Variants in NRG1 observed in about 807,000 individuals in gnomAD.
NRG1 encodes the protein neuregulin 1.
Under a neutral mutation model 63.8 loss-of-function variants are expected in NRG1, and 18 were observed. The ratio of observed to expected loss-of-function variants is 0.28; its 90% CI spans 0.19 to 0.42. The LOEUF (loss-of-function observed/expected upper bound fraction) is 0.42. Among genes scored for constraint, NRG1 ranks in the 10% least tolerant of loss-of-function variants. The pLI is 1.00. For missense variants in NRG1, 762 were observed against 814.7 expected, an observed-to-expected ratio of 0.94 and a Z score of 0.79; for synonymous variants, 302 against 301.3, an observed-to-expected ratio of 1.00 and a Z score of -0.02.
At chr8:32,768,404 A>C (rs1182499562), downstream of NRG1, among the ~76,000 whole-genome samples, 1 of 152,218 alleles carries the variant, frequency 6.6e-6, no homozygotes, top group Non-Finnish European at 1.5e-5. Flanking sequence ...TAGTGGCCTA[A>C]AAGGCAGCCA....
intron 1 of NRG1, among the ~76,000 whole-genome samples, chr8:32,094,580 C>T (rs1212534503): frequency 6.6e-6 from 1 of 152,162 alleles, no homozygotes; most frequent in African/African-American, 2.4e-5. Flanking sequence ...AAAAGATTTG[C>T]TTATTTCCCA....
intron 1 of NRG1, among the ~76,000 whole-genome samples, chr8:32,006,404 C>T (rs1182077185): frequency 6.6e-6 from 1 of 152,030 alleles, no homozygotes; most frequent in African/African-American, 2.4e-5. Flanking sequence ...TATCCAGAAT[C>T]TGTGAATGTG....
At chr8:31,813,520 T>TCTTTTCTTTTCTTTTCTTTTCTTTTC (rs1554540779) in intron 1 of NRG1, among the ~76,000 whole-genome samples, 4,979 of 115,492 alleles carry the variant, frequency 0.043, 117 homozygotes, top group Non-Finnish European at 0.067. Flanking sequence ...TCTTTTCTTT[T>TCTTTTCTTTTCTTTTCTTTTCTTTTC]TTTTTTTTTT....
At chr8:32,039,241 T>G (rs1391434205) in intron 1 of NRG1, among the ~76,000 whole-genome samples, 1 of 152,228 alleles carries the variant, frequency 6.6e-6, no homozygotes, top group Non-Finnish European at 1.5e-5. Flanking sequence ...ATAGGATATT[T>G]GTTGACATAT....
intron 1 of NRG1, among the ~76,000 whole-genome samples, chr8:32,242,610 G>A (rs1321511947): frequency 6.6e-6 from 1 of 152,130 alleles, no homozygotes; most frequent in East Asian, 1.9e-4. Context: ...CATCTTATTT[G>A]TTGATCATAT....
chr8:32,202,800 C>G (rs1258068520), intron 1 of NRG1, among the ~76,000 whole-genome samples: 1 of 151,172 alleles, frequency 6.6e-6, no homozygotes, highest in African/African-American at 2.4e-5. Flanking sequence ...CACTGCTCTG[C>G]TGCTCTGCCA....
At chr8:32,071,097 G>A (rs958231939) in intron 1 of NRG1, among the ~76,000 whole-genome samples, 1 of 151,980 alleles carries the variant, frequency 6.6e-6, no homozygotes, top group Non-Finnish European at 1.5e-5. Flanking sequence ...ACCTCAACCA[G>A]CCCATCATTC....
At chr8:31,954,715 G>A (rs1804077707) in intron 1 of NRG1, among the ~76,000 whole-genome samples, 1 of 152,152 alleles carries the variant, frequency 6.6e-6, no homozygotes, top group African/African-American at 2.4e-5. Flanking sequence ...TTGTGAAAAT[G>A]GAATGAGTAC....
intron 1 of NRG1, among the ~76,000 whole-genome samples, chr8:32,084,855 C>A (rs1032153279): frequency 6.6e-6 from 1 of 152,110 alleles, no homozygotes; most frequent in Non-Finnish European, 1.5e-5. Flanking sequence ...ACAGGCTAAT[C>A]TTGGCTTTTG....
chr8:31,639,589 A>T (rs1005097704), intron 1 of NRG1, among the ~76,000 whole-genome samples: 6 of 152,082 alleles, frequency 3.9e-5, no homozygotes, highest in African/African-American at 1.4e-4. Flanking sequence ...CACACAAAGG[A>T]CTGTCACCCG....
intron 1 of NRG1, among the ~76,000 whole-genome samples, chr8:31,706,268 T>G (rs1811143298): frequency 6.6e-6 from 1 of 152,174 alleles, no homozygotes; most frequent in Non-Finnish European, 1.5e-5. Flanking sequence ...AAACATAGAT[T>G]CTTATTCTCC....
chr8:32,417,863 G>T (rs1196035032), intron 1 of NRG1, among the ~76,000 whole-genome samples: 2 of 151,988 alleles, frequency 1.3e-5, no homozygotes, highest in East Asian at 1.9e-4. Flanking sequence ...ATAGTGTTTT[G>T]TCTTTCTTTT....
At chr8:32,062,786 A>G (rs549583407) in intron 1 of NRG1, among the ~76,000 whole-genome samples, 1 of 152,036 alleles carries the variant, frequency 6.6e-6, no homozygotes, top group Non-Finnish European at 1.5e-5. Context: ...GATATAATTC[A>G]TATTTGTTTT....
chr8:31,916,045 G>A (rs921660262), intron 1 of NRG1, among the ~76,000 whole-genome samples: 2 of 152,008 alleles, frequency 1.3e-5, no homozygotes, highest in Non-Finnish European at 2.9e-5. Context: ...ACAGGAAGAC[G>A]TTAATTGATG....
intron 1 of NRG1, among the ~76,000 whole-genome samples, chr8:31,992,503 A>T (rs945249579): frequency 3.3e-5 from 5 of 151,986 alleles, no homozygotes; most frequent in Non-Finnish European, 5.9e-5. Flanking sequence ...CAGGCAGGGA[A>T]TACTGTGGGA....
At chr8:32,556,946 G>A (rs879604630) in intron 1 of NRG1, among the ~76,000 whole-genome samples, 5 of 152,180 alleles carry the variant, frequency 3.3e-5, no homozygotes, top group Middle Eastern at 3.2e-3. Flanking sequence ...GTGTTATTAC[G>A]TATAGTAAGT....
chr8:32,543,271 A>G (rs542153920), upstream of NRG1, among the ~76,000 whole-genome samples: 241 of 152,294 alleles, frequency 1.6e-3, no homozygotes, highest in Non-Finnish European at 2.9e-3. Context: ...ACACAAATAA[A>G]CAGATGTATA....
chr8:32,731,554 A>C (rs569576221), intron 6 of NRG1, among the ~76,000 whole-genome samples: 1 of 152,230 alleles, frequency 6.6e-6, no homozygotes, highest in Non-Finnish European at 1.5e-5. Flanking sequence ...AAAGCAAGCC[A>C]GAACCTTGAG....
chr8:32,651,465 T>G (rs993369365), intron 5 of NRG1, among the ~76,000 whole-genome samples: 1 of 152,182 alleles, frequency 6.6e-6, no homozygotes, highest in Non-Finnish European at 1.5e-5. Context: ...CTACCCTGAC[T>G]GTTGGGAGAT....
Sources: gnomAD v4.1 joint callset for allele counts (sites outside exome capture counted in the v4.1 genomes callset) on GRCh38, gnomAD v4.1.1 for gene constraint, MANE v1.5 for transcripts, NCBI Gene and HGNC (gene_info 2026-07-23, HGNC 2026-07-21) for gene names.